Variants in OSMR observed in about 807,000 individuals in gnomAD.
OSMR encodes oncostatin M receptor.
A neutral mutation model predicts 99.9 loss-of-function variants in OSMR; 81 were observed. That is an observed-to-expected ratio of 0.81 (90% CI 0.68 to 0.97). The LOEUF (loss-of-function observed/expected upper bound fraction) is 0.97, where lower values mean the gene tolerates loss of function less well. Among genes scored for constraint, OSMR ranks in the 50% least tolerant of loss-of-function variants. The probability of loss-of-function intolerance (pLI) is 0.00; values close to 1 mark genes in which losing one functional copy is unlikely to be tolerated. For synonymous variants in OSMR, 406 were observed against 410.4 expected (o/e 0.99, Z 0.13); for missense variants, 1,099 against 1,153.4 (o/e 0.95, Z 0.68).
intron 9 of OSMR, among the ~76,000 whole-genome samples, chr5:38,907,987 AC>A (rs1014132659): frequency 6.7e-5 from 10 of 149,964 alleles, no homozygotes; most frequent in Non-Finnish European, 1.0e-4. Context: ...CAGCAGCCCC[AC>A]CCCCACTCCT....
chr5:38,910,551 G>A (rs992553633), intron 9 of OSMR, among the ~76,000 whole-genome samples: 4 of 152,128 alleles, frequency 2.6e-5, no homozygotes, highest in African/African-American at 7.2e-5. Context: ...AAATGAGTAC[G>A]AAGAAAATTA....
chr5:38,889,401 CT>C (rs1744006035), intron 7 of OSMR, among the ~76,000 whole-genome samples: 1 of 151,992 alleles, frequency 6.6e-6, no homozygotes, highest in African/African-American at 2.4e-5. Context: ...CCTTTACCTC[CT>C]ATTTGCTTAA....
At chr5:38,890,609 T>G (rs1744093158) in intron 7 of OSMR, among the ~76,000 whole-genome samples, 6 of 152,068 alleles carry the variant, frequency 3.9e-5, no homozygotes. Flanking sequence ...CCTCTTTTTT[T>G]TTTTTTTGTC....
At position 38,886,153 on chromosome 5, in the gene OSMR, G is replaced by C; in HGVS notation, c.954G>C (p.Lys318Asn). ...FTLIAENYLR[K>N]RSVNILFNLT... Reference sequence around the variant, plus strand: ...TCATAGCTGAAAATTACTTAAGGAAGAGAAGTGTCAATATCCTTTTTAACC... The same window carrying C: ...TCATAGCTGAAAATTACTTAAGGAACAGAAGTGTCAATATCCTTTTTAACC... The change falls in exon 7 of 18, where the codon AAG (lysine) becomes AAC (asparagine). Residue 318 changes from lysine (K) to asparagine (N), a missense_variant. By Grantham distance (94) the Lys-to-Asn change is moderately conservative. Coordinates refer to ENST00000274276, the MANE Select transcript of OSMR (RefSeq NM_003999.3). 1.2e-6 allele frequency: 2 copies of C among 1,614,088 alleles called. No homozygotes were observed. Among genetic ancestry groups the C allele is most frequent in the Non-Finnish European group, 1.7e-6 (2 of 1,179,936 alleles).
At chr5:38,852,614 T>C (rs1740474393) in intron 1 of OSMR, among the ~76,000 whole-genome samples, 1 of 152,172 alleles carries the variant, frequency 6.6e-6, no homozygotes, top group Non-Finnish European at 1.5e-5. Context: ...GAATTATGTA[T>C]TCATGTTTTT....
intron 1 of OSMR, among the ~76,000 whole-genome samples, chr5:38,860,213 T>G (rs1741175108): frequency 6.6e-6 from 1 of 152,250 alleles, no homozygotes; most frequent in Admixed American, 6.5e-5. Context: ...CTGTCATATG[T>G]GGCCTTTATT....
At chr5:38,852,626 T>C (rs574437284) in intron 1 of OSMR, among the ~76,000 whole-genome samples, 1 of 152,148 alleles carries the variant, frequency 6.6e-6, no homozygotes, top group East Asian at 1.9e-4. Context: ...CATGTTTTTC[T>C]ACAGAGTTGT....
At chr5:38,916,703 C>A (rs189271955) in intron 9 of OSMR, among the ~76,000 whole-genome samples, 300 of 152,224 alleles carry the variant, frequency 2.0e-3, no homozygotes, top group African/African-American at 6.6e-3. Flanking sequence ...CAAAATCAAT[C>A]AGTCAATCCA....
intron 1 of OSMR, among the ~76,000 whole-genome samples, chr5:38,861,769 G>A (rs545117636): frequency 2.3e-4 from 34 of 149,326 alleles, no homozygotes; most frequent in South Asian, 6.4e-4. Context: ...CCTCCCTCCT[G>A]GACGGGGCGG....
At chr5:38,942,604 C>T (rs1204194398) in intron 1 of OSMR, among the ~76,000 whole-genome samples, 5 of 150,266 alleles carry the variant, frequency 3.3e-5, no homozygotes, top group South Asian at 2.1e-4. Context: ...GCAGATGACA[C>T]CAACCTCGGC....
intron 16 of OSMR, among the ~76,000 whole-genome samples, 199 bp from the exon 17 acceptor site, chr5:38,932,264 T>C (rs1746786899): frequency 6.6e-6 from 1 of 152,228 alleles, no homozygotes; most frequent in African/African-American, 2.4e-5. Flanking sequence ...AATTAATTCA[T>C]TTAATCCTCA....
intron 9 of OSMR, among the ~76,000 whole-genome samples, chr5:38,916,848 C>T (rs1327435225): frequency 6.6e-6 from 1 of 152,010 alleles, no homozygotes; most frequent in Admixed American, 6.5e-5. Context: ...AGTGCCAGGC[C>T]CTGAGGCAGA....
chr5:38,920,044 A>G (rs1331520108), intron 11 of OSMR, among the ~76,000 whole-genome samples: 1 of 152,176 alleles, frequency 6.6e-6, no homozygotes, highest in African/African-American at 2.4e-5. Flanking sequence ...TAGGATCCGA[A>G]CAGGAAAAGG....
intron 1 of OSMR, among the ~76,000 whole-genome samples, chr5:38,855,416 C>T (rs1740761907): frequency 6.6e-6 from 1 of 152,120 alleles, no homozygotes; most frequent in Admixed American, 6.5e-5. Flanking sequence ...AAATAAGCAT[C>T]TTGAACTTAA....
At chr5:38,868,142 A>G (rs1742088303) in intron 1 of OSMR, among the ~76,000 whole-genome samples, 1 of 152,050 alleles carries the variant, frequency 6.6e-6, no homozygotes, top group Non-Finnish European at 1.5e-5. Context: ...ACCTTTCTTT[A>G]CCAATCTTTG....
chr5:38,899,425 G>C (rs1744749014), intron 7 of OSMR, among the ~76,000 whole-genome samples: 1 of 152,126 alleles, frequency 6.6e-6, no homozygotes, highest in African/African-American at 2.4e-5. Context: ...CTCTACCCCT[G>C]TCTCCAAGTT....
chr5:38,867,352 C>T (rs1742026750), intron 1 of OSMR, among the ~76,000 whole-genome samples: 1 of 152,154 alleles, frequency 6.6e-6, no homozygotes, highest in African/African-American at 2.4e-5. Flanking sequence ...TCCCACTTTT[C>T]TGTAAAATAT....
At chr5:38,865,947 T>G (rs1428630579) in intron 1 of OSMR, among the ~76,000 whole-genome samples, 1 of 152,084 alleles carries the variant, frequency 6.6e-6, no homozygotes, top group Non-Finnish European at 1.5e-5. Flanking sequence ...GCAGGTGGGT[T>G]CTGGTGGCAG....
intron 1 of OSMR, 125 bp from the exon 2 acceptor site, chr5:38,868,906 GC>G (rs1742154644): frequency 3.7e-6 from 4 of 1,079,134 alleles, no homozygotes; most frequent in Non-Finnish European, 5.3e-6. Flanking sequence ...ATGACAAGAG[GC>G]ATGGATACAG....
Sources: allele counts gnomAD v4.1 joint callset (sites outside exome capture counted in the v4.1 genomes callset), GRCh38; gene constraint gnomAD v4.1.1; transcripts MANE v1.5; gene names NCBI Gene and HGNC (gene_info 2026-07-23, HGNC 2026-07-21).